Variants in HPSE2 observed in about 807,000 individuals in gnomAD.
HPSE2 encodes the protein inactive heparanase-2.
In HPSE2, 38 loss-of-function variants were observed where a neutral mutation model predicts 60.5. That is an observed-to-expected ratio of 0.63 (90% CI 0.48 to 0.82). The LOEUF (loss-of-function observed/expected upper bound fraction) is 0.82, where lower values mean the gene tolerates loss of function less well. Ranked by LOEUF, HPSE2 falls within the 40% of genes least tolerant of loss-of-function variation. The pLI is 0.00. For synonymous variants in HPSE2, 295 were observed against 293.2 expected, an observed-to-expected ratio of 1.01 and a Z score of -0.06; for missense variants, 713 against 740.4, an observed-to-expected ratio of 0.96 and a Z score of 0.43.
intron 3 of HPSE2, among the ~76,000 whole-genome samples, chr10:98,826,950 C>T (rs1312602414): frequency 6.6e-6 from 1 of 151,994 alleles, no homozygotes; most frequent in African/African-American, 2.4e-5. Context: ...GAGTTTGGGA[C>T]CAGCCTGGGC....
chr10:99,032,331 T>C (rs1209629011), intron 3 of HPSE2, among the ~76,000 whole-genome samples: 1 of 152,036 alleles, frequency 6.6e-6, no homozygotes, highest in East Asian at 1.9e-4. Context: ...AATCGTCAAA[T>C]AAGAAACTAT....
chr10:98,560,268 G>A (rs901539248), intron 9 of HPSE2, among the ~76,000 whole-genome samples: 6 of 152,188 alleles, frequency 3.9e-5, no homozygotes, highest in African/African-American at 1.4e-4. Flanking sequence ...TAGATACTGT[G>A]AATGATAGGC....
chr10:98,572,009 G>T (rs1205201413), intron 9 of HPSE2, among the ~76,000 whole-genome samples: 1 of 149,898 alleles, frequency 6.7e-6, no homozygotes, highest in Non-Finnish European at 1.5e-5. Flanking sequence ...CGTGATCTTG[G>T]CTCACTGCAA....
chr10:98,546,773 G>A (rs1177667858), intron 9 of HPSE2, among the ~76,000 whole-genome samples: 1 of 150,590 alleles, frequency 6.6e-6, no homozygotes, highest in East Asian at 2.0e-4. Flanking sequence ...AACACCAAAA[G>A]CAATGGCAAC....
intron 3 of HPSE2, among the ~76,000 whole-genome samples, chr10:98,790,106 T>C (rs981357775): frequency 3.3e-5 from 5 of 152,114 alleles, no homozygotes; most frequent in Non-Finnish European, 5.9e-5. Context: ...AGTAATAGCA[T>C]TGAGATACAA....
intron 3 of HPSE2, among the ~76,000 whole-genome samples, chr10:98,946,515 C>T (rs1314078761): frequency 6.7e-6 from 1 of 149,224 alleles, no homozygotes; most frequent in Non-Finnish European, 1.5e-5. Context: ...CCCATTGTGA[C>T]AAATGCAACA....
chr10:99,091,417 C>T (rs771922068), intron 3 of HPSE2, among the ~76,000 whole-genome samples: 1 of 152,072 alleles, frequency 6.6e-6, no homozygotes, highest in Non-Finnish European at 1.5e-5. Flanking sequence ...AAAGCTGAAC[C>T]CAGGTCTCTA....
intron 9 of HPSE2, among the ~76,000 whole-genome samples, chr10:98,532,829 C>CGTCT (rs1356356440): frequency 6.6e-6 from 1 of 152,148 alleles, no homozygotes; most frequent in Non-Finnish European, 1.5e-5. Context: ...AGGGAATAGA[C>CGTCT]TGCAGACCCT....
At chr10:99,275,828 G>A in the HPSE2 span, among the ~76,000 whole-genome samples, 1 of 152,148 alleles carries the variant, frequency 6.6e-6, no homozygotes, top group Non-Finnish European at 1.5e-5. Flanking sequence ...CTTCAGGCCA[G>A]AACATCTAGG....
intron 3 of HPSE2, among the ~76,000 whole-genome samples, chr10:99,018,748 TTATTAA>T (rs1378693419): frequency 6.6e-6 from 1 of 152,184 alleles, no homozygotes; most frequent in African/African-American, 2.4e-5. Context: ...TTGCTTGAAT[TTATTAA>T]AGGAAATGGA....
rs573733915 is a variant in HPSE2, at chr10:98,661,815, G to A, written c.1005-19875C>T. Among the ~76,000 whole-genome samples, 3 of 152,302 alleles carry A rather than the reference G, an allele frequency of 2.0e-5. No homozygotes were observed. The East Asian group carries it at 5.8e-4, about 29-fold the overall frequency. ...GAATGTCCAAGAGAACTCAATTTAA[G>A]TCTAAACTCTTACACTATGCAGCTG... is the stretch of plus-strand genomic sequence containing the variant. On this transcript the variant is annotated intron_variant, in intron 6 of 11. Coordinates refer to ENST00000370552, the MANE Select transcript of HPSE2 (RefSeq NM_021828.5).
At chr10:98,878,638 C>A (rs1412734202) in intron 3 of HPSE2, among the ~76,000 whole-genome samples, 2 of 151,884 alleles carry the variant, frequency 1.3e-5, no homozygotes, top group African/African-American at 4.8e-5. Flanking sequence ...TATGACTAAA[C>A]TGGAGAATGA....
the HPSE2 span, among the ~76,000 whole-genome samples, chr10:99,243,795 G>T: frequency 1.3e-5 from 2 of 152,056 alleles, no homozygotes; most frequent in African/African-American, 4.8e-5. Context: ...ACTTAGCTGG[G>T]CATGGTGGCA....
intron 3 of HPSE2, among the ~76,000 whole-genome samples, chr10:98,805,366 A>G (rs959862327): frequency 6.6e-6 from 1 of 152,138 alleles, no homozygotes. Flanking sequence ...AAAATAGCTA[A>G]AAGAGTATAA....
chr10:99,235,459 T>C, intron 1 of HPSE2, 54 bp downstream of exon 1: 1 of 1,513,368 alleles, frequency 6.6e-7, no homozygotes, highest in Non-Finnish European at 9.2e-7. Flanking sequence ...TAGGAAGGGC[T>C]TGAGGGGGTG....
chr10:98,759,369 C>A (rs922463335), intron 3 of HPSE2, among the ~76,000 whole-genome samples: 1 of 152,064 alleles, frequency 6.6e-6, no homozygotes, highest in Non-Finnish European at 1.5e-5. Context: ...ATTGCCCAGA[C>A]CAATGTCAAG....
chr10:98,890,652 GAAACA>G (rs887431144), intron 3 of HPSE2, among the ~76,000 whole-genome samples: 1 of 151,936 alleles, frequency 6.6e-6, no homozygotes, highest in Non-Finnish European at 1.5e-5. Flanking sequence ...ACGAACAAAT[GAAACA>G]AAACAAAAGA....
intron 9 of HPSE2, among the ~76,000 whole-genome samples, chr10:98,552,548 T>G (rs537299784): frequency 4.8e-4 from 73 of 152,280 alleles, no homozygotes; most frequent in African/African-American, 1.6e-3. Context: ...TGTATGGACC[T>G]ACAGTATATA....
At chr10:99,303,985 C>T in the HPSE2 span, among the ~76,000 whole-genome samples, 1 of 152,158 alleles carries the variant, frequency 6.6e-6, no homozygotes, top group South Asian at 2.1e-4. Context: ...CCTCTGGGCC[C>T]CTTAGATTAG....
Sources: allele counts gnomAD v4.1 joint callset (sites outside exome capture counted in the v4.1 genomes callset), GRCh38; gene constraint gnomAD v4.1.1; transcripts MANE v1.5; gene names NCBI Gene and HGNC (gene_info 2026-07-23, HGNC 2026-07-21).